SLC45A4: variants seen among roughly 807,000 people sequenced by gnomAD.
SLC45A4 encodes polyamine-transporter SLC45A4.
SLC45A4 carries 32 observed loss-of-function variants against 63.7 expected under a neutral mutation model. The observed-to-expected ratio is 0.50, with a 90% CI of 0.38 to 0.67. SLC45A4 has a LOEUF of 0.67. Ranked by LOEUF, SLC45A4 falls within the 30% of genes least tolerant of loss-of-function variation. The pLI, the probability that SLC45A4 is intolerant of heterozygous loss-of-function variation, is 0.00. For missense variants in SLC45A4, 1,027 were observed against 1,157.7 expected (o/e 0.89, Z 1.64); for synonymous variants, 535 against 510.0 (o/e 1.05, Z -0.66).
intron 2 of SLC45A4, chr8:141,228,359 A>C: frequency 6.4e-7 from 1 of 1,571,486 alleles, no homozygotes; most frequent in Non-Finnish European, 8.6e-7. Context: ...GGGGCGCCTC[A>C]ACAGCCTGGC....
rs757507538 is a variant in SLC45A4, at chr8:141,215,930, G to A, written c.1770C>T (p.Val590=). The change falls in exon 7 of 9, where the codon GTC becomes GTT. Residue 590 remains valine (V), a synonymous_variant. Transcript: ENST00000517878. This position sits in a 1 kb window ranked among gnomAD's most constrained non-coding sequence, Gnocchi z 4.3. ...QKYLDNYDLS[V]RVIYVLGTLG... is the part of the protein sequence containing the mutation. ...GCGTCCCCAGCACGTAGATCACCCT[G>A]ACGCTCAGGTCGTAGTTGTCCAAGT... is the stretch of plus-strand genomic sequence containing the variant. 3.3e-5 allele frequency: 53 copies of A among 1,613,932 alleles called. 1 individual carries two copies. In the South Asian group the frequency reaches 5.6e-4, roughly 17 times the overall value.
intron 1 of SLC45A4, among the ~76,000 whole-genome samples, chr8:141,289,391 A>G (rs1830269124): frequency 1.3e-5 from 2 of 152,230 alleles, no homozygotes; most frequent in South Asian, 4.1e-4. Context: ...TATGACAGAC[A>G]GTCATCTGGA....
intron 8 of SLC45A4, 46 bp from the exon 9 acceptor site, chr8:141,211,743 C>A (rs533513870): frequency 4.0e-6 from 6 of 1,486,756 alleles, no homozygotes; most frequent in African/African-American, 2.8e-5. Flanking sequence ...ACTGACTACA[C>A]TACCATTATC....
At chr8:141,289,344 C>T (rs183252426) in intron 1 of SLC45A4, among the ~76,000 whole-genome samples, 14 of 152,186 alleles carry the variant, frequency 9.2e-5, no homozygotes, top group African/African-American at 2.4e-4. Flanking sequence ...CTAAGTTCCA[C>T]GCCTTAGTTC....
At position 141,211,418 on chromosome 8, in the gene SLC45A4, G is replaced by T. The variant is rs780745232; in HGVS notation, c.*154C>A. 83 of 1,549,656 alleles carry T rather than the reference G, an allele frequency of 5.4e-5. No individual in the cohort carries two copies. The East Asian group carries it at 1.8e-3, about 35-fold the overall frequency. On this transcript the variant is annotated 3_prime_UTR_variant, in exon 9 of 9. Transcript: ENST00000517878. ...GGTGCCCAGCCCATCCCTGGGCAGG[G>T]TGTCTGGGAGCCACCCCTGCAAATC... is the stretch of plus-strand genomic sequence containing the variant.
chr8:141,252,648 C>CGG (rs1314415027), intron 2 of SLC45A4: 1 of 107,420 alleles, frequency 9.3e-6, no homozygotes, highest in African/African-American at 3.5e-5. Flanking sequence ...TGCCCACCTG[C>CGG]GTCTGTGAAT....
chr8:141,270,626 G>A (rs990204270), intron 1 of SLC45A4, among the ~76,000 whole-genome samples: 1 of 152,240 alleles, frequency 6.6e-6, no homozygotes, highest in East Asian at 1.9e-4. Flanking sequence ...AGCCAAGATC[G>A]CATCGCTGCA....
At chr8:141,285,312 A>G (rs937543483) in intron 1 of SLC45A4, among the ~76,000 whole-genome samples, 12 of 152,224 alleles carry the variant, frequency 7.9e-5, no homozygotes, top group Non-Finnish European at 1.5e-5. Flanking sequence ...GCCGTGGCTG[A>G]GATTCCTCGG....
At chr8:141,286,144 C>T in intron 1 of SLC45A4, among the ~76,000 whole-genome samples, 1 of 152,174 alleles carries the variant, frequency 6.6e-6, no homozygotes, top group East Asian at 1.9e-4. Flanking sequence ...GTCAAAAAGG[C>T]ACAAGGGGAG....
chr8:141,265,814 G>T (rs936591250), intron 1 of SLC45A4, among the ~76,000 whole-genome samples: 1 of 152,200 alleles, frequency 6.6e-6, no homozygotes, highest in Non-Finnish European at 1.5e-5. Flanking sequence ...CCCCAGCATG[G>T]AAAAGCAAGC....
intron 2 of SLC45A4, among the ~76,000 whole-genome samples, chr8:141,237,362 A>C (rs559945044): frequency 5.3e-4 from 80 of 152,172 alleles, no homozygotes; most frequent in African/African-American, 1.8e-3. Context: ...AACATGCCAC[A>C]GTCTCCCCAC....
At chr8:141,253,829 A>C (rs1314531214) in intron 2 of SLC45A4, among the ~76,000 whole-genome samples, 160 bp downstream of exon 2, 2 of 152,214 alleles carry the variant, frequency 1.3e-5, no homozygotes, top group East Asian at 3.8e-4. Flanking sequence ...CAGGAGACGA[A>C]AACCACCATC....
At chr8:141,226,460 G>T (rs549883325) in intron 2 of SLC45A4, 1 of 152,328 alleles carries the variant, frequency 6.6e-6, no homozygotes, top group East Asian at 1.9e-4. Flanking sequence ...AACGACAGCT[G>T]TCGCTGCTGA....
chr8:141,247,953 G>A (rs2154614584), intron 2 of SLC45A4, among the ~76,000 whole-genome samples: 1 of 152,352 alleles, frequency 6.6e-6, no homozygotes, highest in South Asian at 2.1e-4. Context: ...CGTGCCAGAT[G>A]GAGGGGGAAT....
chr8:141,299,581 G>A (rs1830677321), intron 1 of SLC45A4, among the ~76,000 whole-genome samples: 1 of 152,242 alleles, frequency 6.6e-6, no homozygotes, highest in Admixed American at 6.5e-5. Context: ...AGCAGAGGGT[G>A]GTGGTGCGCA....
Position 141,256,530 on chromosome 8 carries a change from C to T in SLC45A4, c.-400-1901G>A. On this transcript the variant is annotated intron_variant, in intron 1 of 8. Coordinates refer to ENST00000517878, the MANE Select transcript of SLC45A4 (RefSeq NM_001286646.2). The surrounding 1 kb of genome is among the most constrained non-coding windows in gnomAD (Gnocchi z 4.3). ...AAGGTGGGTCCCTGGCACGTGGGCCCCAGGAGGGAGAAGACTCCGCTGTAC... is the reference window on the plus strand; with the variant it reads ...AAGGTGGGTCCCTGGCACGTGGGCCTCAGGAGGGAGAAGACTCCGCTGTAC... 1 of 456,230 alleles carries T rather than the reference C, an allele frequency of 2.2e-6. No homozygotes were observed. Among genetic ancestry groups the T allele is most frequent in the Non-Finnish European group, 4.4e-6 (1 of 226,942 alleles). 28.3% of individuals were successfully genotyped at this position (456,230 alleles called of 1,614,324 possible). A position where few individuals can be genotyped will look rare whatever the true frequency, so the allele number is the denominator to read the frequency against.
chr8:141,248,405 A>AAAAAATTT (rs1828315208), intron 2 of SLC45A4, among the ~76,000 whole-genome samples: 1 of 151,898 alleles, frequency 6.6e-6, no homozygotes, highest in African/African-American at 2.4e-5. Flanking sequence ...CCATCTCCCT[A>AAAAAATTT]AAAAATTTAA....
At chr8:141,266,813 G>T (rs529194952) in intron 1 of SLC45A4, among the ~76,000 whole-genome samples, 1 of 152,326 alleles carries the variant, frequency 6.6e-6, no homozygotes, top group East Asian at 1.9e-4. Flanking sequence ...GTGCTGGAAG[G>T]GCGGAAATTT....
Position 141,256,263 on chromosome 8 carries a change from A to G in SLC45A4, c.-400-1634T>C, listed in dbSNP as rs1006752036. ...CAGACATGGGGTTCGGTTCAACTGA[A>G]GTGTTAGAGCCCCTAAAAACACACC... On this transcript the variant is annotated intron_variant, in intron 1 of 8. Coordinates refer to ENST00000517878, the MANE Select transcript of SLC45A4 (RefSeq NM_001286646.2). This position sits in a 1 kb window ranked among gnomAD's most constrained non-coding sequence, Gnocchi z 4.3. 6.6e-6 allele frequency among the ~76,000 whole-genome samples: 1 copy of G among 152,208 alleles called. No homozygotes were observed. Among genetic ancestry groups the G allele is most frequent in the Admixed American group, 6.5e-5 (1 of 15,288 alleles).
Sources: allele counts gnomAD v4.1 joint callset (sites outside exome capture counted in the v4.1 genomes callset), GRCh38; gene constraint gnomAD v4.1.1; non-coding constraint Gnocchi (gnomAD v3.1); transcripts MANE v1.5; gene names NCBI Gene and HGNC (gene_info 2026-07-23, HGNC 2026-07-21).